ITPR1: variants seen among roughly 807,000 people sequenced by gnomAD.
ITPR1 encodes inositol 1,4,5-trisphosphate-gated calcium channel ITPR1.
ITPR1 carries 96 observed loss-of-function variants against 318.4 expected under a neutral mutation model. The observed-to-expected ratio is 0.30, with a 90% confidence interval of 0.26 to 0.36. The LOEUF (loss-of-function observed/expected upper bound fraction) is 0.36, where lower values mean the gene tolerates loss of function less well. Ranked by LOEUF, ITPR1 falls within the 10% of genes least tolerant of loss-of-function variation. The pLI, the probability that ITPR1 is intolerant of heterozygous loss-of-function variation, is 1.00. For synonymous variants in ITPR1, 1,312 were observed against 1,289.9 expected (o/e 1.02, Z -0.37); for missense variants, 2,440 against 3,460.2 (o/e 0.71, Z 7.40).
intron 2 of ITPR1, among the ~76,000 whole-genome samples, chr3:4,494,847 C>G (rs1399429167): frequency 1.3e-5 from 2 of 152,166 alleles, no homozygotes; most frequent in Non-Finnish European, 2.9e-5. Context: ...ATTTCATATG[C>G]CAAAATGTGT....
intron 4 of ITPR1, among the ~76,000 whole-genome samples, chr3:4,601,878 A>C (rs2091312797): frequency 1.3e-5 from 2 of 152,246 alleles, no homozygotes; most frequent in African/African-American, 4.8e-5. Flanking sequence ...CCAATTTAAA[A>C]ATAGGAAAAA....
At chr3:4,542,932 A>G (rs1359025367) in intron 4 of ITPR1, among the ~76,000 whole-genome samples, 2 of 152,154 alleles carry the variant, frequency 1.3e-5, no homozygotes, top group Non-Finnish European at 2.9e-5. Flanking sequence ...GTTTTCTAAT[A>G]TTTCATCCAG....
intron 23 of ITPR1, 24 bp downstream of exon 23, chr3:4,675,272 C>T (rs1486793536): frequency 1.3e-6 from 2 of 1,562,040 alleles, no homozygotes; most frequent in East Asian, 2.3e-5. Context: ...GGTGCCCATA[C>T]ATCTGAGAGA....
At chr3:4,823,341 A>C (rs917510776) in intron 60 of ITPR1, among the ~76,000 whole-genome samples, 22 of 152,350 alleles carry the variant, frequency 1.4e-4, no homozygotes, top group African/African-American at 5.3e-4. Context: ...TTAAGAAGGA[A>C]GGTTGGTAAA....
chr3:4,697,046 G>T, intron 33 of ITPR1, 101 bp from the exon 34 acceptor site: 1 of 1,034,746 alleles, frequency 9.7e-7, no homozygotes. Flanking sequence ...GTGGGGAATG[G>T]GATGACCATT....
intron 60 of ITPR1, among the ~76,000 whole-genome samples, chr3:4,829,458 CACAG>C (rs1186054883): frequency 1.3e-5 from 2 of 151,640 alleles, no homozygotes; most frequent in Non-Finnish European, 2.9e-5. Flanking sequence ...TTAATAGACT[CACAG>C]GATAGAAGAA....
chr3:4,822,786 C>T (rs755104902), intron 60 of ITPR1, among the ~76,000 whole-genome samples: 2 of 152,164 alleles, frequency 1.3e-5, no homozygotes, highest in East Asian at 1.9e-4. Flanking sequence ...GCTCATTCCC[C>T]GAGATGCAAT....
chr3:4,609,915 G>T (rs533340771), intron 4 of ITPR1, among the ~76,000 whole-genome samples: 5 of 152,326 alleles, frequency 3.3e-5, no homozygotes, highest in African/African-American at 9.6e-5. Context: ...AACTCTGAGA[G>T]CAGGACACGT....
rs368486669 is a variant in ITPR1 at position 4,642,834 on chromosome 3, A to G, written c.525+583A>G. 2.0e-5 allele frequency among the ~76,000 whole-genome samples: 3 copies of G among 152,344 alleles called. No homozygotes were observed. The East Asian group carries it at 5.8e-4, about 29-fold the overall frequency. On this transcript the variant is annotated intron_variant, in intron 7 of 61. Transcript: ENST00000649015. ...AGCAGTCCTGATATTTGTTGGCTGA[A>G]TTAGTCAGCCATTACGTGGGCATAT...
chr3:4,845,638 C>T (rs1260142670), intron 61 of ITPR1, among the ~76,000 whole-genome samples: 1 of 145,166 alleles, frequency 6.9e-6, no homozygotes, highest in African/African-American at 2.5e-5. Context: ...TCTCATTTTC[C>T]TAGTTATGGT....
Position 4,710,091 on chromosome 3 carries a change from G to C in ITPR1, c.4843-234G>C, listed in dbSNP as rs2041239356. On this transcript the variant is annotated intron_variant, in intron 37 of 61. Transcript: ENST00000649015. This position sits in a 1 kb window ranked among gnomAD's most constrained non-coding sequence, Gnocchi z 4.2. ...CCTTGAGTAGCATAAGGGCCACCTT[G>C]AAAGAAGGGGTGGTGGGAAAGTTGA... Among the ~76,000 whole-genome samples the C allele has an allele frequency of 6.6e-6, 1 of 152,232 alleles. No homozygotes were observed. Among genetic ancestry groups the C allele is most frequent in the Admixed American group, 6.5e-5 (1 of 15,284 alleles).
intron 49 of ITPR1, among the ~76,000 whole-genome samples, chr3:4,780,931 C>T (rs2046791724): frequency 6.6e-6 from 1 of 152,226 alleles, no homozygotes; most frequent in African/African-American, 2.4e-5. Context: ...GGCTCTTGGG[C>T]AGCCCCCCGG....
chr3:4,548,670 G>A (rs987867245), intron 4 of ITPR1, among the ~76,000 whole-genome samples: 2 of 152,300 alleles, frequency 1.3e-5, no homozygotes, highest in South Asian at 2.1e-4. Flanking sequence ...TTGGGGGGAT[G>A]TCTCAGTCAA....
chr3:4,699,851 G>C lies in ITPR1; in HGVS notation c.4446G>C (p.Ser1482=). The change falls in exon 35 of 62, where the codon TCG becomes TCC. Residue 1482 remains serine, a synonymous_variant. Transcript: ENST00000649015. ...NNTSDRKHAD[S]ILEKYVTEIV... Reference sequence around the variant, plus strand: ...CTAGTGACAGGAAACATGCAGACTCGATTTTGGAGAAGTATGTCACCGAAA... The same window carrying C: ...CTAGTGACAGGAAACATGCAGACTCCATTTTGGAGAAGTATGTCACCGAAA... 9 of 1,613,780 alleles carry C rather than the reference G, an allele frequency of 5.6e-6. No homozygotes were observed. The highest frequency in any genetic ancestry group is 7.6e-6 in the Non-Finnish European group (9 of 1,179,742).
intron 44 of ITPR1, chr3:4,749,242 G>A (rs1024788957): frequency 6.6e-6 from 1 of 152,168 alleles, no homozygotes; most frequent in African/African-American, 2.4e-5. Context: ...GAACCATAAT[G>A]GCAAATAGCT....
Position 4,676,226 on chromosome 3 carries a change from T to G in ITPR1, c.2780-388T>G, listed in dbSNP as rs139930204. On this transcript the variant is annotated intron_variant, in intron 23 of 61. Coordinates refer to ENST00000649015, the MANE Select transcript of ITPR1 (RefSeq NM_001378452.1). ...TGGGTGTGGTGATGCATGCCTATAG[T>G]CCTAGCTACTTGAGACGTTGAGGCA... Among the ~76,000 whole-genome samples the G allele has an allele frequency of 3.0e-3, 452 of 151,320 alleles. 1 individual carries two copies. Among genetic ancestry groups the G allele is most frequent in the African/African-American group, 0.01 (415 of 41,234 alleles).
intron 61 of ITPR1, among the ~76,000 whole-genome samples, chr3:4,841,067 C>A (rs1330757524): frequency 6.6e-6 from 1 of 152,154 alleles, no homozygotes; most frequent in Non-Finnish European, 1.5e-5. Context: ...AGAATAACTG[C>A]CCAAAGTTGG....
intron 4 of ITPR1, among the ~76,000 whole-genome samples, chr3:4,570,903 CAT>C (rs1278882114): frequency 2.0e-5 from 3 of 152,174 alleles, no homozygotes; most frequent in Non-Finnish European, 4.4e-5. Flanking sequence ...CTTTTTTGTA[CAT>C]GTGTCTGTGG....
intron 55 of ITPR1, among the ~76,000 whole-genome samples, chr3:4,809,334 A>C (rs1378321803): frequency 6.6e-6 from 1 of 152,240 alleles, no homozygotes; most frequent in Non-Finnish European, 1.5e-5. Context: ...TATGACATAT[A>C]ATTGGAAACA....
Sources: allele counts gnomAD v4.1 joint callset (sites outside exome capture counted in the v4.1 genomes callset), GRCh38; gene constraint gnomAD v4.1.1; non-coding constraint Gnocchi (gnomAD v3.1); transcripts MANE v1.5; gene names NCBI Gene and HGNC (gene_info 2026-07-23, HGNC 2026-07-21).